Variants in WDR59 observed in about 807,000 individuals in gnomAD.
WDR59 encodes the protein GATOR2 complex protein WDR59.
In WDR59, 100 loss-of-function variants were observed where a neutral mutation model predicts 131.2. The observed-to-expected ratio is 0.76, with a 90% confidence interval of 0.65 to 0.90. The LOEUF is 0.90. Ranked by LOEUF, WDR59 falls within the 40% of genes least tolerant of loss-of-function variation. The pLI, the probability that WDR59 is intolerant of heterozygous loss-of-function variation, is 0.00. For missense variants in WDR59, 1,203 were observed against 1,262.2 expected (o/e 0.95, Z 0.71); for synonymous variants, 601 against 466.2 (o/e 1.29, Z -3.72).
At chr16:74,882,807 C>CAAAAAAAAAA (rs569507124) in intron 25 of WDR59, among the ~76,000 whole-genome samples, 25 of 51,408 alleles carry the variant, frequency 4.9e-4, no homozygotes, top group East Asian at 7.5e-4. Context: ...AACACTGTCT[C>CAAAAAAAAAA]AAAAAAAAAA....
At chr16:74,883,213 TG>T (rs1438141801) in intron 25 of WDR59, among the ~76,000 whole-genome samples, 2 of 151,796 alleles carry the variant, frequency 1.3e-5, no homozygotes, top group African/African-American at 4.8e-5. Context: ...TTAGTAGAGA[TG>T]GGGTTTCACC....
In WDR59 at chr16:74,885,675, A is replaced by T; in HGVS notation, c.2667T>A (p.Pro889=). 1 of 1,614,106 alleles carries T rather than the reference A, an allele frequency of 6.2e-7. No homozygotes were observed. The highest frequency in any genetic ancestry group is 1.7e-5 in the Admixed American group (1 of 60,004). ...CACCGATCCCTTTGTGAGGGTCAGG[A>T]GGACAGGAGACAAACTTCAACACTT... ...RAEVLKFVSC[P]PDPHKGIEFG... Residue 889 remains proline (P), a synonymous_variant, in exon 25 of 26, where the codon CCT becomes CCA. Transcript: ENST00000262144.
In WDR59 at chr16:74,871,705, G is replaced by C. The variant is rs1477174282; in HGVS notation, c.*2504C>G. On this transcript the variant is annotated 3_prime_UTR_variant, in exon 26 of 26. Coordinates refer to ENST00000262144, the MANE Select transcript of WDR59 (RefSeq NM_030581.4). ...AAAGATTGCTCTCTGCAAATGGTGT[G>C]ATTTCACTGAGGAACACAACAGATC... is the stretch of plus-strand genomic sequence containing the variant. 2 of 152,210 alleles carry C rather than the reference G, an allele frequency of 1.3e-5. No individual in the cohort carries two copies. The highest frequency in any genetic ancestry group is 2.9e-5 in the Non-Finnish European group (2 of 68,038). The allele number at this position is 152,210 out of a possible 1,614,324, so 9.4% of individuals were successfully genotyped here.
At chr16:74,896,851 G>T (rs1965319295) in intron 18 of WDR59, among the ~76,000 whole-genome samples, 1 of 152,020 alleles carries the variant, frequency 6.6e-6, no homozygotes, top group South Asian at 2.1e-4. Flanking sequence ...GCTAGTATAA[G>T]CCTCACTTAC....
intron 18 of WDR59, among the ~76,000 whole-genome samples, chr16:74,898,881 G>A (rs1193934591): frequency 6.6e-6 from 1 of 152,202 alleles, no homozygotes; most frequent in African/African-American, 2.4e-5. Flanking sequence ...CCCCGTTGGT[G>A]GCTCCACCTA....
At chr16:74,964,726 C>T (rs1459235288) in intron 2 of WDR59, among the ~76,000 whole-genome samples, 2 of 151,850 alleles carry the variant, frequency 1.3e-5, no homozygotes, top group Non-Finnish European at 2.9e-5. Flanking sequence ...TCGAGAGCAA[C>T]ACGAAAGGAA....
intron 1 of WDR59, among the ~76,000 whole-genome samples, chr16:74,970,412 C>T (rs1157994330): frequency 6.7e-6 from 1 of 149,666 alleles, no homozygotes; most frequent in Non-Finnish European, 1.5e-5. Flanking sequence ...CCCAGAATGG[C>T]ATGAACCCAG....
intron 2 of WDR59, 97 bp downstream of exon 2, chr16:74,965,676 A>G: frequency 1.4e-6 from 2 of 1,436,822 alleles, no homozygotes; most frequent in Non-Finnish European, 2.0e-6. Flanking sequence ...TATGATCATA[A>G]TCCGTAAATA....
chr16:74,974,753 T>C (rs920291504), intron 1 of WDR59, among the ~76,000 whole-genome samples: 2 of 152,164 alleles, frequency 1.3e-5, no homozygotes, highest in Non-Finnish European at 2.9e-5. Context: ...CAGCCCTAAA[T>C]AGAAATTGTG....
rs969366824 is a variant in WDR59 at position 74,906,131 on chromosome 16, G to A, written c.1713-2031C>T. ...AGATCGAGACCATCCTGGCTAACAC[G>A]GTGAAACATGGTCTCTACTAAAAAT... On this transcript the variant is annotated intron_variant, in intron 17 of 25. Coordinates refer to ENST00000262144, the MANE Select transcript of WDR59 (RefSeq NM_030581.4). 3.6e-4 allele frequency among the ~76,000 whole-genome samples: 54 copies of A among 151,440 alleles called. 1 individual carries two copies. Among genetic ancestry groups the A allele is most frequent in the South Asian group, 8.4e-4 (4 of 4,790 alleles).
Position 74,908,724 on chromosome 16 carries a change from C to T in WDR59, c.1712+184G>A, listed in dbSNP as rs1285833653. 4 of 556,946 alleles carry T rather than the reference C, an allele frequency of 7.2e-6. No individual in the cohort carries two copies. In the South Asian group the frequency reaches 1.0e-4, roughly 15 times the overall value. 34.5% of individuals were successfully genotyped at this position (556,946 alleles called of 1,614,324 possible). On this transcript the variant is annotated intron_variant, in intron 17 of 25. Coordinates refer to ENST00000262144, the MANE Select transcript of WDR59 (RefSeq NM_030581.4). The stretch of plus-strand genomic sequence containing the variant: ...TTCTAATGGTTTGGTAATAACCATA[C>T]AGCAGAAATCACAGCTTTTTTGCAA...
At chr16:74,913,653 T>C (rs1966216020) in intron 13 of WDR59, among the ~76,000 whole-genome samples, 1 of 152,182 alleles carries the variant, frequency 6.6e-6, no homozygotes. Context: ...TGAAACTTGT[T>C]ATATTTACTT....
intron 14 of WDR59, 76 bp downstream of exon 14, chr16:74,912,122 T>A (rs1253329033): frequency 1.9e-6 from 3 of 1,592,462 alleles, no homozygotes; most frequent in Admixed American, 1.7e-5. Context: ...TCTACTGGAG[T>A]TTTCATTCTT....
At chr16:74,954,682 C>T (rs780481827) in intron 3 of WDR59, among the ~76,000 whole-genome samples, 1 of 152,206 alleles carries the variant, frequency 6.6e-6, no homozygotes, top group African/African-American at 2.4e-5. Context: ...AGTACCTCCA[C>T]ACATATGTTC....
intron 14 of WDR59, among the ~76,000 whole-genome samples, chr16:74,911,787 T>C (rs892445567): frequency 6.6e-6 from 1 of 152,230 alleles, no homozygotes; most frequent in Non-Finnish European, 1.5e-5. Context: ...GAAATTGGAC[T>C]GCAGGGCTCC....
At chr16:74,965,143 G>A (rs1454775152) in intron 2 of WDR59, among the ~76,000 whole-genome samples, 2 of 152,130 alleles carry the variant, frequency 1.3e-5, no homozygotes, top group East Asian at 1.9e-4. Flanking sequence ...TGGCTCACGT[G>A]GTCCTCCTGC....
intron 20 of WDR59, among the ~76,000 whole-genome samples, chr16:74,890,343 G>A (rs1340239219): frequency 2.0e-5 from 3 of 152,076 alleles, no homozygotes; most frequent in Non-Finnish European, 1.5e-5. Context: ...TAGAGATGGG[G>A]TTTTGCCATG....
intron 1 of WDR59, among the ~76,000 whole-genome samples, chr16:74,971,992 T>G (rs2034001962): frequency 6.6e-6 from 1 of 152,176 alleles, no homozygotes; most frequent in Admixed American, 6.6e-5. Flanking sequence ...TATGGGCATG[T>G]GCCACCATGC....
At chr16:74,923,106 C>T (rs916640372) in intron 9 of WDR59, among the ~76,000 whole-genome samples, 5 of 152,142 alleles carry the variant, frequency 3.3e-5, no homozygotes, top group African/African-American at 1.2e-4. Context: ...AGAAAGTCAG[C>T]TTGTGAACTA....
Sources: gnomAD v4.1 joint callset for allele counts (sites outside exome capture counted in the v4.1 genomes callset) on GRCh38, gnomAD v4.1.1 for gene constraint, MANE v1.5 for transcripts, NCBI Gene and HGNC (gene_info 2026-07-23, HGNC 2026-07-21) for gene names.